The following MAPK8 variants were observed in gnomAD, a reference collection of about 807,000 sequenced individuals.
MAPK8 encodes the protein JUN N-terminal kinase.
A neutral mutation model predicts 52.9 loss-of-function variants in MAPK8; 13 were observed. The observed-to-expected ratio is 0.25, with a 90% CI of 0.16 to 0.39. The LOEUF (loss-of-function observed/expected upper bound fraction) is 0.39, where lower values mean the gene tolerates loss of function less well. Among genes scored for constraint, MAPK8 ranks in the 10% least tolerant of loss-of-function variants. MAPK8 has a pLI of 1.00. For synonymous variants in MAPK8, 191 were observed against 169.8 expected, an observed-to-expected ratio of 1.12 and a Z score of -0.97; for missense variants, 300 against 519.2, an observed-to-expected ratio of 0.58 and a Z score of 4.10.
chr10:48,331,333 G>A (rs1045791492), intron 1 of MAPK8, among the ~76,000 whole-genome samples: 13 of 152,304 alleles, frequency 8.5e-5, no homozygotes, highest in Admixed American at 8.5e-4. Flanking sequence ...ATAGGGAGGA[G>A]TCCCCTGCCA....
intron 5 of MAPK8, among the ~76,000 whole-genome samples, chr10:48,412,356 T>C (rs2042804144): frequency 6.6e-6 from 1 of 152,230 alleles, no homozygotes; most frequent in Admixed American, 6.5e-5. Flanking sequence ...TTAGTATTCA[T>C]TCAGCAGCTT....
intron 1 of MAPK8, among the ~76,000 whole-genome samples, chr10:48,381,985 C>T (rs2041033490): frequency 6.6e-6 from 1 of 152,128 alleles, no homozygotes; most frequent in Non-Finnish European, 1.5e-5. Flanking sequence ...TAATGGAGCC[C>T]AGGACAGAGG....
At chr10:48,434,840 C>T in intron 11 of MAPK8, 44 bp from the exon 12 acceptor site, 2 of 1,555,820 alleles carry the variant, frequency 1.3e-6, no homozygotes, top group Non-Finnish European at 8.7e-7. Context: ...GCTTGATCTG[C>T]AGCTGTCTGC....
intron 1 of MAPK8, among the ~76,000 whole-genome samples, chr10:48,344,522 G>A (rs1362221819): frequency 6.6e-6 from 1 of 152,118 alleles, no homozygotes; most frequent in Non-Finnish European, 1.5e-5. Flanking sequence ...TTTTGGTGGT[G>A]GCATTCTCAG....
intron 11 of MAPK8, among the ~76,000 whole-genome samples, chr10:48,433,394 T>A (rs960514259): frequency 3.3e-4 from 50 of 152,382 alleles, no homozygotes; most frequent in African/African-American, 1.2e-3. Context: ...CATTGTGTAC[T>A]ATGTATGGTA....
chr10:48,335,347 AG>A, intron 1 of MAPK8, among the ~76,000 whole-genome samples: 1 of 152,276 alleles, frequency 6.6e-6, no homozygotes, highest in East Asian at 1.9e-4. Context: ...CATAAATAAA[AG>A]CTTCTGTTAA....
Position 48,329,941 on chromosome 10 carries a change from A to T in MAPK8, c.-50+23120A>T, listed in dbSNP as rs190701866. On this transcript the variant is annotated intron_variant, in intron 1 of 11. Transcript: ENST00000374189. Reference sequence around the variant, plus strand: ...AGAGCAACAGGAAGCATTTAAAAAAATTTTTTTTAAACTAACGGCAAATAT... The same window carrying T: ...AGAGCAACAGGAAGCATTTAAAAAATTTTTTTTTAAACTAACGGCAAATAT... 6.3e-3 allele frequency among the ~76,000 whole-genome samples: 952 copies of T among 152,252 alleles called. 6 individuals carry two copies. The highest frequency in any genetic ancestry group is 0.014 in the Middle Eastern group (4 of 294).
chr10:48,308,460 A>G (rs1039934146), intron 1 of MAPK8, among the ~76,000 whole-genome samples: 1 of 152,244 alleles, frequency 6.6e-6, no homozygotes, highest in Admixed American at 6.5e-5. Flanking sequence ...TTATGATGAC[A>G]TGGGCTTTTG....
intron 5 of MAPK8, among the ~76,000 whole-genome samples, chr10:48,415,159 C>T (rs1410252668): frequency 1.3e-5 from 2 of 152,048 alleles, no homozygotes; most frequent in Non-Finnish European, 2.9e-5. Context: ...ATAAAAATCT[C>T]TTTAAATGGG....
In MAPK8 at chr10:48,438,542, CT is replaced by C. The variant is rs1371518276; in HGVS notation, c.*3517del. 1.3e-5 allele frequency: 2 copies of C among 152,190 alleles called. No homozygotes were observed. The highest frequency in any genetic ancestry group is 2.9e-5 in the Non-Finnish European group (2 of 68,024). 9.4% of individuals were successfully genotyped at this position (152,190 alleles called of 1,614,324 possible). A position where few individuals can be genotyped will look rare whatever the true frequency, so the allele number is the denominator to read the frequency against. ...GTTTAGATTCTCTTCGTTACTGAAA[CT>C]TTTGAGAAATATTACCTGTGGATTA... On this transcript the variant is annotated 3_prime_UTR_variant, in exon 12 of 12. Coordinates refer to ENST00000374189, the MANE Select transcript of MAPK8 (RefSeq NM_001323329.2).
At chr10:48,428,688 T>G (rs888896917) in intron 10 of MAPK8, among the ~76,000 whole-genome samples, 1 of 152,200 alleles carries the variant, frequency 6.6e-6, no homozygotes, top group Non-Finnish European at 1.5e-5. Context: ...TAATGTGCAT[T>G]TGAATATGTA....
At chr10:48,364,445 A>G (rs527956509) in intron 1 of MAPK8, among the ~76,000 whole-genome samples, 1 of 152,244 alleles carries the variant, frequency 6.6e-6, no homozygotes, top group African/African-American at 2.4e-5. Flanking sequence ...ATTTAAAAAA[A>G]AAAACTGAAT....
intron 1 of MAPK8, among the ~76,000 whole-genome samples, chr10:48,381,324 T>A (rs1045887571): frequency 1.3e-5 from 2 of 152,186 alleles, no homozygotes; most frequent in Non-Finnish European, 2.9e-5. Context: ...ACCTCTAAAC[T>A]AGGCAAAATT....
intron 1 of MAPK8, among the ~76,000 whole-genome samples, chr10:48,361,775 G>T (rs1446123859): frequency 6.6e-6 from 1 of 152,058 alleles, no homozygotes; most frequent in Non-Finnish European, 1.5e-5. Flanking sequence ...CTTCCCTAAG[G>T]TGCTGTCCTT....
intron 1 of MAPK8, among the ~76,000 whole-genome samples, chr10:48,363,081 G>T (rs868397712): frequency 2.0e-5 from 3 of 152,196 alleles, no homozygotes; most frequent in Non-Finnish European, 2.9e-5. Context: ...GTGTTGCCCA[G>T]ACTGGAGTGC....
At chr10:48,317,996 G>A (rs1289751924) in intron 1 of MAPK8, among the ~76,000 whole-genome samples, 5 of 151,262 alleles carry the variant, frequency 3.3e-5, no homozygotes, top group Non-Finnish European at 7.4e-5. Flanking sequence ...ATTAAGGCAG[G>A]TAGTTGAATT....
chr10:48,359,171 A>G (rs775243972), intron 1 of MAPK8, among the ~76,000 whole-genome samples: 16 of 152,114 alleles, frequency 1.1e-4, no homozygotes, highest in Non-Finnish European at 1.8e-4. Flanking sequence ...TTGGGTTGAT[A>G]TTACTGCTCT....
intron 5 of MAPK8, among the ~76,000 whole-genome samples, chr10:48,413,815 T>TATATATATA (rs1554832942): frequency 4.1e-5 from 2 of 48,414 alleles, no homozygotes; most frequent in Admixed American, 3.1e-4. Context: ...GCCAGAATTG[T>TATATATATA]TATATATATA....
At chr10:48,424,592 T>C in intron 7 of MAPK8, 1 of 1,567,514 alleles carries the variant, frequency 6.4e-7, no homozygotes, top group Non-Finnish European at 8.6e-7. Flanking sequence ...GATCGTATCC[T>C]TATCTTTGGC....
Sources: allele counts gnomAD v4.1 joint callset (sites outside exome capture counted in the v4.1 genomes callset), GRCh38; gene constraint gnomAD v4.1.1; transcripts MANE v1.5; gene names NCBI Gene and HGNC (gene_info 2026-07-23, HGNC 2026-07-21).